The following SMOC2 variants were observed in gnomAD, a reference collection of about 807,000 sequenced individuals.
The protein encoded by SMOC2 is SPARC-related modular calcium-binding protein 2.
A neutral mutation model predicts 61.4 loss-of-function variants in SMOC2; 39 were observed. That is an observed-to-expected ratio of 0.64 (90% CI 0.49 to 0.83). The LOEUF is 0.83. SMOC2 is among the 40% of genes least tolerant of loss of function. The probability of loss-of-function intolerance (pLI) is 0.00; values close to 1 mark genes in which losing one functional copy is unlikely to be tolerated. For missense variants in SMOC2, 556 were observed against 592.9 expected (o/e 0.94, Z 0.65); for synonymous variants, 247 against 239.9 (o/e 1.03, Z -0.27).
chr6:168,648,506 G>A (rs562465202), intron 9 of SMOC2, among the ~76,000 whole-genome samples: 33 of 152,358 alleles, frequency 2.2e-4, no homozygotes, highest in Middle Eastern at 3.4e-3. Flanking sequence ...CCAGGGAGCC[G>A]AGGCCGGGTG....
chr6:168,460,517 C>T (rs1449680999), intron 1 of SMOC2, among the ~76,000 whole-genome samples: 2 of 152,086 alleles, frequency 1.3e-5, no homozygotes, highest in South Asian at 2.1e-4. Context: ...TTCCATTTAC[C>T]TCCCTCACTT....
chr6:168,465,854 A>G (rs1254874286), intron 1 of SMOC2, among the ~76,000 whole-genome samples: 1 of 113,814 alleles, frequency 8.8e-6, no homozygotes, highest in Non-Finnish European at 1.7e-5. Flanking sequence ...GGATGAAGCG[A>G]CGTGCTGCTC....
At chr6:168,567,798 GCGTCTTCTCTT>G (rs1447156717) in intron 7 of SMOC2, among the ~76,000 whole-genome samples, 6 of 152,188 alleles carry the variant, frequency 3.9e-5, no homozygotes, top group Non-Finnish European at 5.9e-5. Context: ...AGAATTTAGT[GCGTCTTCTCTT>G]CAGATGAGCA....
In SMOC2 at chr6:168,666,600, G is replaced by C; in HGVS notation, c.*162G>C. The C allele has an allele frequency of 1.3e-6, 1 of 760,064 alleles. No homozygotes were observed. Among genetic ancestry groups the C allele is most frequent in the Non-Finnish European group, 2.2e-6 (1 of 462,594 alleles). The allele number at this position is 760,064 out of a possible 1,614,324, so 47.1% of individuals were successfully genotyped here. On this transcript the variant is annotated 3_prime_UTR_variant, in exon 13 of 13. Transcript: ENST00000356284. Reference sequence around the variant, plus strand: ...CTATTTAAACAGACTGTTTTAATCTGTGAAAATGGAGAGCTGGCTTCAGAA... The same window carrying C: ...CTATTTAAACAGACTGTTTTAATCTCTGAAAATGGAGAGCTGGCTTCAGAA...
In SMOC2 at chr6:168,664,427, G is replaced by T. The variant is rs754334045; in HGVS notation, c.1323+316G>T. On this transcript the variant is annotated intron_variant, in intron 12 of 12. Coordinates refer to ENST00000356284, the MANE Select transcript of SMOC2 (RefSeq NM_001166412.2). ...TTTTTTTTTTTTTTTAAGAGAAGGG[G>T]TTCTGCCATGTTGCCCAGGCTAGTT... The T allele has an allele frequency of 2.3e-5, 9 of 390,686 alleles. No individual in the cohort carries two copies. In the African/African-American group the frequency reaches 2.4e-4, roughly 10 times the overall value. The allele number at this position is 390,686 out of a possible 1,614,324, so 24.2% of individuals were successfully genotyped here.
chr6:168,577,185 C>T (rs1301080413), intron 7 of SMOC2, among the ~76,000 whole-genome samples: 1 of 152,150 alleles, frequency 6.6e-6, no homozygotes, highest in Non-Finnish European at 1.5e-5. Context: ...ATGCTTTCCT[C>T]TCATCTCTGT....
intron 7 of SMOC2, among the ~76,000 whole-genome samples, chr6:168,551,057 G>A (rs908664598): frequency 8.5e-5 from 13 of 152,168 alleles, no homozygotes; most frequent in African/African-American, 2.9e-4. Context: ...TGAATCATGA[G>A]GGCGGTTCCC....
intron 9 of SMOC2, among the ~76,000 whole-genome samples, chr6:168,635,878 A>AAAT (rs1562396292): frequency 6.6e-6 from 1 of 151,792 alleles, no homozygotes; most frequent in Non-Finnish European, 1.5e-5. Flanking sequence ...CTCAAAAAAA[A>AAAT]AAAAAAAGTT....
At chr6:168,558,906 C>T (rs1262326678) in intron 7 of SMOC2, among the ~76,000 whole-genome samples, 1 of 150,506 alleles carries the variant, frequency 6.6e-6, no homozygotes, top group Non-Finnish European at 1.5e-5. Flanking sequence ...TGTGTGTGCA[C>T]GTGTGTATGT....
At chr6:168,547,823 G>A (rs1271363472) in intron 6 of SMOC2, among the ~76,000 whole-genome samples, 4 of 151,966 alleles carry the variant, frequency 2.6e-5, no homozygotes, top group East Asian at 1.9e-4. Flanking sequence ...TCTTTGGAGC[G>A]AGGGATTTTC....
At chr6:168,442,112 T>C (rs1164689470) in intron 1 of SMOC2, among the ~76,000 whole-genome samples, 1 of 152,194 alleles carries the variant, frequency 6.6e-6, no homozygotes, top group African/African-American at 2.4e-5. Flanking sequence ...AGGTTACAGA[T>C]GATTCTTCAC....
intron 2 of SMOC2, among the ~76,000 whole-genome samples, chr6:168,511,336 A>G (rs1783003283): frequency 6.6e-6 from 1 of 152,196 alleles, no homozygotes; most frequent in Non-Finnish European, 1.5e-5. Context: ...CAATCATGGC[A>G]GAAGGGGAAG....
intron 1 of SMOC2, among the ~76,000 whole-genome samples, chr6:168,500,085 TC>T (rs1782687435): frequency 6.6e-6 from 1 of 151,784 alleles, no homozygotes; most frequent in African/African-American, 2.4e-5. Context: ...GGCAAGTGGA[TC>T]ACCTGAGCTC....
In SMOC2 at chr6:168,526,474, G is replaced by A. The variant is rs140332494; in HGVS notation, c.363+22G>A. The A allele has an allele frequency of 3.7e-3, 5,981 of 1,599,706 alleles. 16 individuals carry two copies. The highest frequency in any genetic ancestry group is 4.7e-3 in the Non-Finnish European group (5,434 of 1,167,232). Reference sequence around the variant, plus strand: ...TCAGGTTACCGGCCTTGCTTGGGAGGTTCTGCACCTGTGCGATTAGGGAGG... The same window carrying A: ...TCAGGTTACCGGCCTTGCTTGGGAGATTCTGCACCTGTGCGATTAGGGAGG... On this transcript the variant is annotated intron_variant, in intron 3 of 12. Coordinates refer to ENST00000356284, the MANE Select transcript of SMOC2 (RefSeq NM_001166412.2).
At chr6:168,563,508 C>T (rs750769480) in intron 7 of SMOC2, among the ~76,000 whole-genome samples, 2 of 152,098 alleles carry the variant, frequency 1.3e-5, no homozygotes, top group Non-Finnish European at 2.9e-5. Flanking sequence ...TTTCTTGTCT[C>T]CCTGCTATGG....
At chr6:168,607,694 C>A (rs1785736003) in intron 8 of SMOC2, among the ~76,000 whole-genome samples, 1 of 150,906 alleles carries the variant, frequency 6.6e-6, no homozygotes, top group Non-Finnish European at 1.5e-5. Flanking sequence ...CCTTTGCATC[C>A]TTTCCTTGGG....
At position 168,558,605 on chromosome 6, in the gene SMOC2, A is replaced by G. The variant is rs140044219; in HGVS notation, c.637+9402A>G. Among the ~76,000 whole-genome samples, 240 of 152,280 alleles carry G rather than the reference A, an allele frequency of 1.6e-3. 2 individuals are homozygous for G. The highest frequency in any genetic ancestry group is 0.01 in the Middle Eastern group (3 of 294). On this transcript the variant is annotated intron_variant, in intron 7 of 12. Transcript: ENST00000356284. ...TAATGGTAAGACCCACCTCCCGGAA[A>G]AGCCCCAGAGCTCAGTCTGGTTGGA...
chr6:168,555,009 T>C (rs1265621588), intron 7 of SMOC2, among the ~76,000 whole-genome samples: 1 of 152,212 alleles, frequency 6.6e-6, no homozygotes, highest in East Asian at 1.9e-4. Flanking sequence ...GCTGAAGCAG[T>C]TCCTGATAAA....
At chr6:168,636,778 G>A (rs931511300) in intron 9 of SMOC2, among the ~76,000 whole-genome samples, 18 of 152,160 alleles carry the variant, frequency 1.2e-4, no homozygotes, top group African/African-American at 3.9e-4. Context: ...GCTGGTGGCC[G>A]AGGCTGGTGT....
Sources: gnomAD v4.1 joint callset for allele counts (sites outside exome capture counted in the v4.1 genomes callset) on GRCh38, gnomAD v4.1.1 for gene constraint, MANE v1.5 for transcripts, NCBI Gene and HGNC (gene_info 2026-07-23, HGNC 2026-07-21) for gene names.